PDCD2L: variants seen among roughly 807,000 people sequenced by gnomAD.
PDCD2L encodes the protein programmed cell death 2 like.
In PDCD2L, 44 loss-of-function variants were observed where a neutral mutation model predicts 40.4. The ratio of observed to expected loss-of-function variants is 1.09; its 90% CI spans 0.86 to 1.40. The LOEUF is 1.40. Among genes scored for constraint, PDCD2L ranks in the 40% most tolerant of loss-of-function variants. The pLI is 0.00. For synonymous variants in PDCD2L, 194 were observed against 174.6 expected (o/e 1.11, Z -0.88); for missense variants, 470 against 453.7 (o/e 1.04, Z -0.33).
rs1226743844 is a variant in PDCD2L at position 34,421,514 on chromosome 19, C to T, written c.798-5C>T. 2 of 1,613,842 alleles carry T rather than the reference C, an allele frequency of 1.2e-6. No individual in the cohort carries two copies. The highest frequency in any genetic ancestry group is 1.7e-6 in the Non-Finnish European group (2 of 1,179,894). Reference sequence around the variant, plus strand: ...GATTCGGGGTTCTTTGTTTCCTTGTCCTAGGTATTCCTGGAGTGGAGAGCC... The same window carrying T: ...GATTCGGGGTTCTTTGTTTCCTTGTTCTAGGTATTCCTGGAGTGGAGAGCC... On this transcript the variant is annotated splice_polypyrimidine_tract_variant and splice_region_variant and intron_variant, in intron 5 of 6. Transcript: ENST00000246535.
intron 3 of PDCD2L, among the ~76,000 whole-genome samples, chr19:34,405,648 C>T (rs1364255764): frequency 1.3e-5 from 2 of 151,212 alleles, no homozygotes. Context: ...CGCCTGTAAT[C>T]CCAGCACTTT....
At chr19:34,411,046 G>A (rs2075100289) in intron 4 of PDCD2L, among the ~76,000 whole-genome samples, 1 of 151,766 alleles carries the variant, frequency 6.6e-6, no homozygotes, top group Admixed American at 6.6e-5. Flanking sequence ...GCCTCCCAAA[G>A]TGCCGGGATT....
At chr19:34,423,651 C>T (rs568213861) in intron 6 of PDCD2L, among the ~76,000 whole-genome samples, 130 of 151,964 alleles carry the variant, frequency 8.6e-4, no homozygotes, top group Non-Finnish European at 1.3e-3. Flanking sequence ...CCCACCACCA[C>T]GCCCTGCTAA....
At position 34,416,210 on chromosome 19, in the gene PDCD2L, CATG is replaced by C. The variant is rs575678067; in HGVS notation, c.797+2364_797+2366del. 1.9e-4 allele frequency among the ~76,000 whole-genome samples: 29 copies of C among 152,256 alleles called. No individual in the cohort carries two copies. The East Asian group carries it at 5.6e-3, about 29-fold the overall frequency. On this transcript the variant is annotated intron_variant, in intron 5 of 6. Transcript: ENST00000246535. ...TGCTGGGATGGCAGGTGTGAGCCAC[CATG>C]CCCGGCCTAAGAATTTTCAGTTAAT...
At chr19:34,416,562 C>T (rs968988126) in intron 5 of PDCD2L, among the ~76,000 whole-genome samples, 4 of 152,296 alleles carry the variant, frequency 2.6e-5, no homozygotes, top group African/African-American at 9.6e-5. Flanking sequence ...ACCCCAGTTT[C>T]CTCTTTTACC....
intron 4 of PDCD2L, among the ~76,000 whole-genome samples, chr19:34,410,544 G>T (rs1281878892): frequency 6.6e-6 from 1 of 152,062 alleles, no homozygotes; most frequent in Non-Finnish European, 1.5e-5. Flanking sequence ...GAGCCATTGT[G>T]CCTGGCCTAA....
At chr19:34,408,295 A>C (rs1387963129) in intron 3 of PDCD2L, among the ~76,000 whole-genome samples, 1 of 151,656 alleles carries the variant, frequency 6.6e-6, no homozygotes, top group Non-Finnish European at 1.5e-5. Flanking sequence ...TATATTTGTC[A>C]GGGTTCAGGT....
chr19:34,409,215 G>C lies in PDCD2L; in HGVS notation c.391G>C (p.Gly131Arg). ...CTGGTGTGAAGGTGCTGATGACTGG[G>C]GAAGTGATACTGAGGAGGGGCCTTC... ...EDWCEGADDW[G>R]SDTEEGPSPQ... Residue 131 changes from glycine to arginine, a missense_variant, in exon 4 of 7, where the codon GGA (glycine) becomes CGA (arginine). Coordinates refer to ENST00000246535, the MANE Select transcript of PDCD2L (RefSeq NM_032346.2). 1 of 1,614,154 alleles carries C rather than the reference G, an allele frequency of 6.2e-7. No homozygotes were observed. Among genetic ancestry groups the C allele is most frequent in the Non-Finnish European group, 8.5e-7 (1 of 1,180,024 alleles).
At position 34,411,401 on chromosome 19, in the gene PDCD2L, A is replaced by G. The variant is rs1020400698; in HGVS notation, c.686+1891A>G. Among the ~76,000 whole-genome samples the G allele has an allele frequency of 2.6e-4, 40 of 150,948 alleles. 1 individual carries two copies. Among genetic ancestry groups the G allele is most frequent in the African/African-American group, 9.0e-4 (37 of 41,054 alleles). On this transcript the variant is annotated intron_variant, in intron 4 of 6. Transcript: ENST00000246535. ...ACCATAGGCGTGCGCCACTTCACCC[A>G]GCTAATTTTTGTATTTTCTTTTTAG...
Position 34,404,799 on chromosome 19 carries a change from A to G in PDCD2L, c.259A>G (p.Thr87Ala). 6.2e-7 allele frequency: 1 copy of G among 1,604,562 alleles called. No individual in the cohort carries two copies. The highest frequency in any genetic ancestry group is 8.5e-7 in the Non-Finnish European group (1 of 1,177,082). The change falls in exon 2 of 7, where the codon ACC (threonine) becomes GCC (alanine). Residue 87 changes from threonine (T) to alanine (A), a missense_variant. Physicochemically the swap from Thr to Ala is moderately conservative, Grantham distance 58. Coordinates refer to ENST00000246535, the MANE Select transcript of PDCD2L (RefSeq NM_032346.2). Reference sequence around the variant, plus strand: ...CGCGTGCGCCTGCCCCGGCTGTAGCACCGGCGGTGCGCGCAGGTAGGCGGG... The same window carrying G: ...CGCGTGCGCCTGCCCCGGCTGTAGCGCCGGCGGTGCGCGCAGGTAGGCGGG... ...VFACACPGCS[T>A]GGARSWKVFR...
intron 5 of PDCD2L, among the ~76,000 whole-genome samples, chr19:34,414,251 A>G (rs867802648): frequency 1.1e-4 from 17 of 150,660 alleles, no homozygotes; most frequent in African/African-American, 3.4e-4. Context: ...TCTTGGCTCA[A>G]TGCAACCTCC....
At chr19:34,420,318 GTT>G (rs775170239) in intron 5 of PDCD2L, among the ~76,000 whole-genome samples, 2 of 142,354 alleles carry the variant, frequency 1.4e-5, no homozygotes. Flanking sequence ...TTTTTTTTTG[GTT>G]TTTTTTTTTT....
chr19:34,404,691 C>T lies in PDCD2L; in HGVS notation c.151C>T (p.Arg51Cys). ...GGCTGCGCCCAGGCCCGTGTGTCAGCGCTGCGGGCAGCCGCTCGCTCTGGT... is the reference window on the plus strand; with the variant it reads ...GGCTGCGCCCAGGCCCGTGTGTCAGTGCTGCGGGCAGCCGCTCGCTCTGGT... ...TVAAPRPVCQ[R>C]CGQPLALVVQ... The change falls in exon 2 of 7, where the codon CGC becomes TGC. Residue 51 changes from arginine (R) to cysteine (C), a missense_variant. Coordinates refer to ENST00000246535, the MANE Select transcript of PDCD2L (RefSeq NM_032346.2). The T allele has an allele frequency of 6.2e-7, 1 of 1,612,104 alleles. No individual in the cohort carries two copies. The highest frequency in any genetic ancestry group is 8.5e-7 in the Non-Finnish European group (1 of 1,179,820).
chr19:34,411,838 A>G (rs929716922), intron 4 of PDCD2L, among the ~76,000 whole-genome samples: 4 of 151,472 alleles, frequency 2.6e-5, no homozygotes, highest in Non-Finnish European at 5.9e-5. Context: ...TATTTTTAGT[A>G]GAGATGGGGC....
intron 3 of PDCD2L, among the ~76,000 whole-genome samples, chr19:34,408,577 C>T (rs1008358147): frequency 6.6e-6 from 1 of 152,192 alleles, no homozygotes; most frequent in African/African-American, 2.4e-5. Context: ...GAATGCCCTC[C>T]AGAATCACAC....
chr19:34,406,523 C>T (rs112010502), intron 3 of PDCD2L, among the ~76,000 whole-genome samples: 2,370 of 151,986 alleles, frequency 0.016, 55 homozygotes, highest in African/African-American at 0.055. Flanking sequence ...GCTGGGACCA[C>T]AGGCGCCCGC....
chr19:34,405,099 G>GT (rs1483478260), intron 3 of PDCD2L, 109 bp downstream of exon 3: 4 of 704,842 alleles, frequency 5.7e-6, no homozygotes, highest in Non-Finnish European at 4.1e-6. Context: ...ACACTGGAGT[G>GT]TTTTTTGCTT....
At chr19:34,408,184 A>T (rs1238633460) in intron 3 of PDCD2L, among the ~76,000 whole-genome samples, 1 of 152,198 alleles carries the variant, frequency 6.6e-6, no homozygotes, top group Non-Finnish European at 1.5e-5. Context: ...CTGGGATTAC[A>T]GGCGTGAGAC....
intron 4 of PDCD2L, 83 bp from the exon 5 acceptor site, chr19:34,413,654 A>G: frequency 4.3e-6 from 4 of 920,890 alleles, no homozygotes; most frequent in Non-Finnish European, 6.7e-6. Flanking sequence ...ATTTTTTAAA[A>G]GAAAATTATC....
Sources: allele counts gnomAD v4.1 joint callset (sites outside exome capture counted in the v4.1 genomes callset), GRCh38; gene constraint gnomAD v4.1.1; transcripts MANE v1.5; gene names NCBI Gene and HGNC (gene_info 2026-07-23, HGNC 2026-07-21).